The following AEN variants were observed in gnomAD, a reference collection of about 807,000 sequenced individuals.
The protein encoded by AEN is apoptosis enhancing nuclease.
A neutral mutation model predicts 17.7 loss-of-function variants in AEN; 21 were observed. The observed-to-expected ratio is 1.19, with a 90% CI of 0.84 to 1.71. AEN has a LOEUF of 1.71. Among genes scored for constraint, AEN ranks in the 40% most tolerant of loss-of-function variants. AEN has a pLI of 0.00. For synonymous variants in AEN, 190 were observed against 173.0 expected (o/e 1.10, Z -0.77); for missense variants, 462 against 435.9 (o/e 1.06, Z -0.53).
rs928470463 is a variant in AEN, at chr15:88,621,399, T to C, written c.-65+17T>C. The C allele has an allele frequency of 2.0e-5, 3 of 152,288 alleles. No individual in the cohort carries two copies. Among genetic ancestry groups the C allele is most frequent in the African/African-American group, 4.8e-5 (2 of 41,462 alleles). The allele number at this position is 152,288 out of a possible 1,614,324, so 9.4% of individuals were successfully genotyped here. A position where few individuals can be genotyped will look rare whatever the true frequency, so the allele number is the denominator to read the frequency against. On this transcript the variant is annotated intron_variant, in intron 1 of 3. Coordinates refer to ENST00000332810, the MANE Select transcript of AEN (RefSeq NM_022767.4). ...GGGCTTCAGGTGAGATCCAGGACCC[T>C]GCACCGGGGCGGCGGGGTCGGGCGG...
chr15:88,622,463 G>A (rs1338903311), intron 1 of AEN, among the ~76,000 whole-genome samples: 1 of 152,148 alleles, frequency 6.6e-6, no homozygotes, highest in Non-Finnish European at 1.5e-5. Context: ...TGGAAGCATC[G>A]GCAGACTAGC....
Position 88,626,485 on chromosome 15 carries a change from A to G in AEN, c.276A>G (p.Pro92=), listed in dbSNP as rs2141372072. The stretch of plus-strand genomic sequence containing the variant: ...TGAGGGCTGGATCTGGCAGTGCCCC[A>G]TGCAGCAGAAGGCCTGCTCCCGGGA... ...QCLRAGSGSA[P]CSRRPAPGKA... Residue 92 remains proline, a synonymous_variant, in exon 2 of 4, where the codon CCA becomes CCG. Transcript: ENST00000332810. 1 of 1,614,114 alleles carries G rather than the reference A, an allele frequency of 6.2e-7. No individual in the cohort carries two copies. Among genetic ancestry groups the G allele is most frequent in the East Asian group, 2.2e-5 (1 of 44,884 alleles).
chr15:88,630,344 T>C lies in AEN; in HGVS notation c.*50T>C. 6.6e-7 allele frequency: 1 copy of C among 1,519,696 alleles called. No individual in the cohort carries two copies. Among genetic ancestry groups the C allele is most frequent in the Non-Finnish European group, 8.9e-7 (1 of 1,120,714 alleles). The allele number at this position is 1,519,696 out of a possible 1,614,324, so 94.1% of individuals were successfully genotyped here. A position where few individuals can be genotyped will look rare whatever the true frequency, so the allele number is the denominator to read the frequency against. ...GGCTTCCGGTGTGGCCGGTAGGAAG[T>C]GGGGGCCAGGAGAGCAGCGGGCACT... On this transcript the variant is annotated 3_prime_UTR_variant, in exon 4 of 4. Transcript: ENST00000332810. The surrounding 1 kb of genome is among the most constrained non-coding windows in gnomAD (Gnocchi z 5.1).
At position 88,629,433 on chromosome 15, in the gene AEN, G is replaced by C. The variant is rs1000116081; in HGVS notation, c.741+7G>C. 8 of 1,611,594 alleles carry C rather than the reference G, an allele frequency of 5.0e-6. No individual in the cohort carries two copies. In the African/African-American group the frequency reaches 1.1e-4, roughly 22 times the overall value. On this transcript the variant is annotated splice_region_variant and intron_variant, in intron 3 of 3. Transcript: ENST00000332810. ...GCTGCACAAGAAGATCCAGGTGCGT[G>C]GTGGGAGAGTGGCTGGAAGGGAGGG...
Position 88,631,378 on chromosome 15 carries a change from A to G in AEN, c.*1084A>G. 1 of 250,808 alleles carries G rather than the reference A, an allele frequency of 4.0e-6. No homozygotes were observed. The allele number at this position is 250,808 out of a possible 1,614,324, so 15.5% of individuals were successfully genotyped here. ...GCTGTTGGGTTTTCTCCTATTTCTA[A>G]AAATGTTCTCTTCTTTCCTAAGTGA... On this transcript the variant is annotated 3_prime_UTR_variant, in exon 4 of 4. Transcript: ENST00000332810.
chr15:88,607,898 A>C, the AEN span, among the ~76,000 whole-genome samples: 2 of 152,168 alleles, frequency 1.3e-5, no homozygotes, highest in Admixed American at 1.3e-4. Flanking sequence ...ACTTCCCTTT[A>C]GACCAGACCA....
Position 88,624,621 on chromosome 15 carries a change from C to T in AEN, c.-64-1525C>T, listed in dbSNP as rs532005384. On this transcript the variant is annotated intron_variant, in intron 1 of 3. Coordinates refer to ENST00000332810, the MANE Select transcript of AEN (RefSeq NM_022767.4). ...GAGTTAGGCCGAATATGGTGGCCCA[C>T]GCCTGTAATCCCAGCACTTTCGGAG... 6.6e-5 allele frequency among the ~76,000 whole-genome samples: 10 copies of T among 152,324 alleles called. No individual in the cohort carries two copies. In the East Asian group the frequency reaches 1.2e-3, roughly 18 times the overall value.
intron 1 of AEN, among the ~76,000 whole-genome samples, chr15:88,624,848 A>T (rs1596028275): frequency 6.7e-6 from 1 of 149,888 alleles, no homozygotes; most frequent in Non-Finnish European, 1.5e-5. Context: ...ACGGCACTGC[A>T]CTCTAGCCTG....
chr15:88,615,836 G>C, the AEN span, among the ~76,000 whole-genome samples: 3 of 152,130 alleles, frequency 2.0e-5, no homozygotes, highest in South Asian at 6.2e-4. Flanking sequence ...CAGCACCATG[G>C]GGATCCCCAC....
Position 88,631,701 on chromosome 15 carries a change from G to A in AEN, c.*1407G>A, listed in dbSNP as rs966634662. 8 of 151,466 alleles carry A rather than the reference G, an allele frequency of 5.3e-5. No homozygotes were observed. Among genetic ancestry groups the A allele is most frequent in the African/African-American group, 2.0e-4 (8 of 40,874 alleles). The allele number at this position is 151,466 out of a possible 1,614,324, so 9.4% of individuals were successfully genotyped here. A position where few individuals can be genotyped will look rare whatever the true frequency, so the allele number is the denominator to read the frequency against. ...ATTGTTTATTCTTTGAGAATTTGTT[G>A]TAACTTCTTCAGGATAACACCTGAG... On this transcript the variant is annotated 3_prime_UTR_variant, in exon 4 of 4. Transcript: ENST00000332810.
the AEN span, among the ~76,000 whole-genome samples, chr15:88,613,808 A>T: frequency 6.6e-6 from 1 of 152,176 alleles, no homozygotes; most frequent in Admixed American, 6.5e-5. Flanking sequence ...CTAGGTTATT[A>T]CGATAAGTAG....
upstream of AEN, among the ~76,000 whole-genome samples, chr15:88,620,623 G>T (rs1167520904): frequency 1.3e-5 from 2 of 151,722 alleles, no homozygotes; most frequent in Non-Finnish European, 2.9e-5. Context: ...TGGTCAGGCT[G>T]GTCTCAAACT....
chr15:88,621,017 G>A (rs545742310), upstream of AEN, among the ~76,000 whole-genome samples: 6 of 152,280 alleles, frequency 3.9e-5, no homozygotes, highest in African/African-American at 1.4e-4. Flanking sequence ...TCGGCCTTTG[G>A]TGGTACCAGG....
chr15:88,610,639 G>A, the AEN span, among the ~76,000 whole-genome samples: 1 of 152,102 alleles, frequency 6.6e-6, no homozygotes, highest in East Asian at 1.9e-4. Context: ...CTGCTCCTGA[G>A]CGTCTCCATC....
the AEN span, among the ~76,000 whole-genome samples, chr15:88,609,533 G>A: frequency 6.6e-6 from 1 of 152,172 alleles, no homozygotes. Flanking sequence ...AAGAGAGGAG[G>A]GGTTTGGGAT....
At chr15:88,611,533 C>T in the AEN span, among the ~76,000 whole-genome samples, 185 of 151,538 alleles carry the variant, frequency 1.2e-3, 2 homozygotes, top group East Asian at 0.011. Context: ...AAGGTTGAAG[C>T]TGGAGTGAGC....
intron 1 of AEN, among the ~76,000 whole-genome samples, chr15:88,622,176 C>G (rs965667409): frequency 1.1e-4 from 16 of 152,080 alleles, no homozygotes; most frequent in Non-Finnish European, 1.8e-4. Flanking sequence ...GACTCTGCAG[C>G]TGGGACCCTT....
At chr15:88,610,366 T>A in the AEN span, among the ~76,000 whole-genome samples, 1 of 151,260 alleles carries the variant, frequency 6.6e-6, no homozygotes, top group Non-Finnish European at 1.5e-5. Context: ...TGTTTCTTGA[T>A]AGATTAAAGG....
upstream of AEN, among the ~76,000 whole-genome samples, chr15:88,620,475 C>T (rs2057773508): frequency 6.6e-6 from 1 of 151,786 alleles, no homozygotes; most frequent in African/African-American, 2.4e-5. Flanking sequence ...AGTGCAATGG[C>T]GCGATCTCGG....
Sources: allele counts gnomAD v4.1 joint callset (sites outside exome capture counted in the v4.1 genomes callset), GRCh38; gene constraint gnomAD v4.1.1; non-coding constraint Gnocchi (gnomAD v3.1); transcripts MANE v1.5; gene names NCBI Gene and HGNC (gene_info 2026-07-23, HGNC 2026-07-21).